DDX39A: variants seen among roughly 807,000 people sequenced by gnomAD.
DDX39A encodes ATP-dependent RNA helicase DDX39A.
Under a neutral mutation model 46.3 loss-of-function variants are expected in DDX39A, and 13 were observed. That is an observed-to-expected ratio of 0.28 (90% CI 0.18 to 0.45). DDX39A has a LOEUF of 0.45. Among genes scored for constraint, DDX39A ranks in the 20% least tolerant of loss-of-function variants. DDX39A has a pLI of 1.00. For synonymous variants in DDX39A, 234 were observed against 224.6 expected (o/e 1.04, Z -0.38); for missense variants, 352 against 581.8 (o/e 0.61, Z 4.06).
At chr19:14,413,661 A>G (rs539821934) in intron 1 of DDX39A, among the ~76,000 whole-genome samples, 7 of 152,246 alleles carry the variant, frequency 4.6e-5, no homozygotes, top group African/African-American at 1.7e-4. Context: ...CTCCTTCTCC[A>G]CACGCAAGCC....
At chr19:14,419,096 CGCCCCGGT>C in intron 1 of DDX39A, 166 bp downstream of exon 1, 1 of 416,084 alleles carries the variant, frequency 2.4e-6, no homozygotes, top group South Asian at 1.6e-5. Context: ...CTAGCGCATG[CGCCCCGGT>C]GCCCAACGGC....
In DDX39A at chr19:14,411,186, G is replaced by T; in HGVS notation, c.430-14C>A. On this transcript the variant is annotated splice_polypyrimidine_tract_variant and intron_variant, in intron 4 of 10. Coordinates refer to ENST00000242776, the MANE Select transcript of DDX39A (RefSeq NM_005804.4). The surrounding 1 kb of genome is among the most constrained non-coding windows in gnomAD (Gnocchi z 4.1). ...GAACACAGACACCTATGGGGATGAG[G>T]AGGAAACCGCTCCATGCTGATACAC... 6.4e-7 allele frequency: 1 copy of T among 1,560,670 alleles called. No individual in the cohort carries two copies. Among genetic ancestry groups the T allele is most frequent in the South Asian group, 1.2e-5 (1 of 84,392 alleles).
At position 14,410,232 on chromosome 19, in the gene DDX39A, C is replaced by T; in HGVS notation, c.716G>A (p.Arg239Lys). 7 of 1,614,014 alleles carry T rather than the reference C, an allele frequency of 4.3e-6. No homozygotes were observed. Among genetic ancestry groups the T allele is most frequent in the Non-Finnish European group, 5.1e-6 (6 of 1,179,888 alleles). ...CCTACTCACATCCTGCATGAACTTC[C>T]TGCACACAGGCCGGATGTCCTTGCT... is the stretch of plus-strand genomic sequence containing the variant. ...TLSKDIRPVC[R>K]KFMQDPMEVF... is the part of the protein sequence containing the mutation. The change falls in exon 6 of 11, where the codon AGG becomes AAG. Residue 239 changes from arginine to lysine, a missense_variant. Arg to Lys is a conservative substitution (Grantham distance 26). This residue lies in a region of DDX39A where 301 missense variants were observed against 469.9 expected (regional missense o/e 0.64). Coordinates refer to ENST00000242776, the MANE Select transcript of DDX39A (RefSeq NM_005804.4). This position sits in a 1 kb window ranked among gnomAD's most constrained non-coding sequence, Gnocchi z 4.3.
At chr19:14,414,922 G>A (rs1159888530) in intron 1 of DDX39A, among the ~76,000 whole-genome samples, 2 of 137,292 alleles carry the variant, frequency 1.5e-5, no homozygotes, top group Non-Finnish European at 3.0e-5. Flanking sequence ...CTGAAATCAC[G>A]CTTCACTCCA....
chr19:14,418,146 G>T lies in DDX39A; in HGVS notation c.-5+1124C>A, dbSNP rs1216459295. Among the ~76,000 whole-genome samples, 6 of 123,160 alleles carry T rather than the reference G, an allele frequency of 4.9e-5. No individual in the cohort carries two copies. In the South Asian group the frequency reaches 1.4e-3, roughly 30 times the overall value. 80.8% of individuals were successfully genotyped at this position (123,160 alleles called of 152,430 possible). ...AAAAAAAAAAAAAAAAAAAAAAAAA[G>T]AGAGAGAGAGATAAATAAATTGGGG... is the stretch of plus-strand genomic sequence containing the variant. On this transcript the variant is annotated intron_variant, in intron 1 of 10. Coordinates refer to ENST00000242776, the MANE Select transcript of DDX39A (RefSeq NM_005804.4).
At position 14,413,237 on chromosome 19, in the gene DDX39A, A is replaced by G; in HGVS notation, c.-4-13T>C. On this transcript the variant is annotated splice_polypyrimidine_tract_variant and intron_variant, in intron 1 of 10. Transcript: ENST00000242776. ...TTCTGCCATGATGCTGAGAAGAGAG[A>G]GAGGCAGGGTCCCGCGAGTGGGCAC... 6.2e-7 allele frequency: 1 copy of G among 1,611,170 alleles called. No individual in the cohort carries two copies. The highest frequency in any genetic ancestry group is 8.5e-7 in the Non-Finnish European group (1 of 1,178,348).
chr19:14,410,106 G>C lies in DDX39A; in HGVS notation c.732+110C>G. 1 of 1,145,626 alleles carries C rather than the reference G, an allele frequency of 8.7e-7. No homozygotes were observed. The allele number at this position is 1,145,626 out of a possible 1,614,324, so 71.0% of individuals were successfully genotyped here. A position where few individuals can be genotyped will look rare whatever the true frequency, so the allele number is the denominator to read the frequency against. On this transcript the variant is annotated intron_variant, in intron 6 of 10. Coordinates refer to ENST00000242776, the MANE Select transcript of DDX39A (RefSeq NM_005804.4). The surrounding 1 kb of genome is among the most constrained non-coding windows in gnomAD (Gnocchi z 4.3). ...GAGGGGAGGAAAGGAGGCTCCGCCG[G>C]CTCCCAGCATCCCAGCATCCTCCGT... is the stretch of plus-strand genomic sequence containing the variant.
rs181119969 is a variant in DDX39A at position 14,411,286 on chromosome 19, C to G, written c.430-114G>C. The G allele has an allele frequency of 5.5e-6, 7 of 1,277,100 alleles. No individual in the cohort carries two copies. The East Asian group carries it at 1.6e-4, about 30-fold the overall frequency. The allele number at this position is 1,277,100 out of a possible 1,614,324, so 79.1% of individuals were successfully genotyped here. On this transcript the variant is annotated intron_variant, in intron 4 of 10. Transcript: ENST00000242776. The surrounding 1 kb of genome is among the most constrained non-coding windows in gnomAD (Gnocchi z 4.1). ...CAGGGGACCAAGGCAGGCCTGAGAG[C>G]CTCCCGGGGCTCCACTCAAAGGCAG...
chr19:14,417,402 C>T (rs1375816245), intron 1 of DDX39A, among the ~76,000 whole-genome samples: 1 of 147,916 alleles, frequency 6.8e-6, no homozygotes, highest in African/African-American at 2.5e-5. Flanking sequence ...GGGAGGATGG[C>T]TTGAGCCCAG....
rs750773177 is a variant in DDX39A, at chr19:14,409,703, A to G, written c.864+39T>C. Reference sequence around the variant, plus strand: ...GTCCCTGTGGCCCAGTGACCTCCCGAAGGTCCTGAGCCCCAGGACAGGCTG... The same window carrying G: ...GTCCCTGTGGCCCAGTGACCTCCCGGAGGTCCTGAGCCCCAGGACAGGCTG... On this transcript the variant is annotated intron_variant, in intron 7 of 10. Coordinates refer to ENST00000242776, the MANE Select transcript of DDX39A (RefSeq NM_005804.4). This position sits in a 1 kb window ranked among gnomAD's most constrained non-coding sequence, Gnocchi z 8.3. 2 of 1,612,394 alleles carry G rather than the reference A, an allele frequency of 1.2e-6. No individual in the cohort carries two copies. Among genetic ancestry groups the G allele is most frequent in the East Asian group, 2.2e-5 (1 of 44,818 alleles).
chr19:14,409,855 CCA>C lies in DDX39A; in HGVS notation c.749_750del (p.Val250GlyfsTer22). ...KFMQDPMEVF[V>X]DDETKLTLHG... ...TGCAGCGTGAGCTTGGTCTCGTCGT[CCA>C]CAAACACCTCCATGGGCTGTGTGGG... On this transcript the variant is annotated frameshift_variant, in exon 7 of 11. Coordinates refer to ENST00000242776, the MANE Select transcript of DDX39A (RefSeq NM_005804.4). LOFTEE classifies it high-confidence loss of function. The surrounding 1 kb of genome is among the most constrained non-coding windows in gnomAD (Gnocchi z 8.3). 6.2e-7 allele frequency: 1 copy of C among 1,614,056 alleles called. No homozygotes were observed. The highest frequency in any genetic ancestry group is 8.5e-7 in the Non-Finnish European group (1 of 1,180,020).
At position 14,412,810 on chromosome 19, in the gene DDX39A, C is replaced by A; in HGVS notation, c.209-132G>T. On this transcript the variant is annotated intron_variant, in intron 2 of 10. Transcript: ENST00000242776. This position sits in a 1 kb window ranked among gnomAD's most constrained non-coding sequence, Gnocchi z 4.4. ...GTCCGGACAAGGCCACAGACACCTGCAGGGCTGGGGTATCCGCCTGGTCAA... is the reference window on the plus strand; with the variant it reads ...GTCCGGACAAGGCCACAGACACCTGAAGGGCTGGGGTATCCGCCTGGTCAA... 1 of 1,363,430 alleles carries A rather than the reference C, an allele frequency of 7.3e-7. No homozygotes were observed. Among genetic ancestry groups the A allele is most frequent in the Non-Finnish European group, 9.9e-7 (1 of 1,009,870 alleles). 84.5% of individuals were successfully genotyped at this position (1,363,430 alleles called of 1,614,324 possible). A position where few individuals can be genotyped will look rare whatever the true frequency, so the allele number is the denominator to read the frequency against.
chr19:14,410,482 C>A lies in DDX39A; in HGVS notation c.614-148G>T. ...GAGTGAGCCGCGGGAGTGGCCAGTC[C>A]TGGTGCCTGAGGGGCTGGGGGGTGG... On this transcript the variant is annotated intron_variant, in intron 5 of 10. Transcript: ENST00000242776. The surrounding 1 kb of genome is among the most constrained non-coding windows in gnomAD (Gnocchi z 4.3). 4.3e-6 allele frequency: 3 copies of A among 696,590 alleles called. No homozygotes were observed. Among genetic ancestry groups the A allele is most frequent in the Non-Finnish European group, 5.0e-6 (2 of 398,438 alleles). 43.2% of individuals were successfully genotyped at this position (696,590 alleles called of 1,614,324 possible).
In DDX39A at chr19:14,410,715, C is replaced by G; in HGVS notation, c.613+274G>C. On this transcript the variant is annotated intron_variant, in intron 5 of 10. Transcript: ENST00000242776. This position sits in a 1 kb window ranked among gnomAD's most constrained non-coding sequence, Gnocchi z 4.3. ...ACTGAGGGCAGGCGGGGCCTGGAAC[C>G]AACCCAACAGGTGGCAGAAGCCTCA... The G allele has an allele frequency of 1.9e-6, 1 of 522,260 alleles. No homozygotes were observed. The highest frequency in any genetic ancestry group is 3.5e-6 in the Non-Finnish European group (1 of 288,570). 32.4% of individuals were successfully genotyped at this position (522,260 alleles called of 1,614,324 possible). A position where few individuals can be genotyped will look rare whatever the true frequency, so the allele number is the denominator to read the frequency against.
In DDX39A at chr19:14,410,112, A is replaced by G. The variant is rs1311176183; in HGVS notation, c.732+104T>C. The G allele has an allele frequency of 8.6e-7, 1 of 1,165,158 alleles. No individual in the cohort carries two copies. Among genetic ancestry groups the G allele is most frequent in the Non-Finnish European group, 1.3e-6 (1 of 782,918 alleles). The allele number at this position is 1,165,158 out of a possible 1,614,324, so 72.2% of individuals were successfully genotyped here. The stretch of plus-strand genomic sequence containing the variant: ...AGGAAAGGAGGCTCCGCCGGCTCCC[A>G]GCATCCCAGCATCCTCCGTGCCATG... On this transcript the variant is annotated intron_variant, in intron 6 of 10. Coordinates refer to ENST00000242776, the MANE Select transcript of DDX39A (RefSeq NM_005804.4). The surrounding 1 kb of genome is among the most constrained non-coding windows in gnomAD (Gnocchi z 4.3).
At chr19:14,419,087 T>A (rs1976941328) in intron 1 of DDX39A, 183 bp downstream of exon 1, 1 of 422,182 alleles carries the variant, frequency 2.4e-6, no homozygotes, top group South Asian at 1.6e-5. Context: ...GGCCCACCCC[T>A]AGCGCATGCG....
At chr19:14,414,936 T>TAAAA (rs1006829482) in intron 1 of DDX39A, among the ~76,000 whole-genome samples, 3 of 72,802 alleles carry the variant, frequency 4.1e-5, no homozygotes, top group Admixed American at 1.7e-4. Context: ...CACTCCAGCC[T>TAAAA]AAAAAAAAAA....
At position 14,409,528 on chromosome 19, in the gene DDX39A, G is replaced by A. The variant is rs1217483281; in HGVS notation, c.974+8C>T. ...TCCCTGCAGCCTTGGCGGGCGGCTC[G>A]CACTCACCGCTCCTCCTGGGCCATG... On this transcript the variant is annotated splice_region_variant and intron_variant, in intron 8 of 10. Transcript: ENST00000242776. The surrounding 1 kb of genome is among the most constrained non-coding windows in gnomAD (Gnocchi z 8.3). 9.9e-6 allele frequency: 16 copies of A among 1,608,504 alleles called. No individual in the cohort carries two copies. The highest frequency in any genetic ancestry group is 2.2e-5 in the East Asian group (1 of 44,842).
At chr19:14,419,150 C>T in intron 1 of DDX39A, 120 bp downstream of exon 1, 4 of 353,908 alleles carry the variant, frequency 1.1e-5, no homozygotes, top group South Asian at 8.1e-5. Context: ...ACCGCCCCGC[C>T]CCCACCGTCT....
Sources: gnomAD v4.1 joint callset for allele counts (sites outside exome capture counted in the v4.1 genomes callset) on GRCh38, gnomAD v4.1.1 for gene constraint, gnomAD v4.1.1 regional missense constraint, Gnocchi (gnomAD v3.1) non-coding constraint, MANE v1.5 for transcripts, NCBI Gene and HGNC (gene_info 2026-07-23, HGNC 2026-07-21) for gene names.